Variants in KCNT2 observed in about 807,000 individuals in gnomAD.
The protein encoded by KCNT2 is potassium channel subfamily T member 2.
In KCNT2, 67 loss-of-function variants were observed where a neutral mutation model predicts 153.8. That is an observed-to-expected ratio of 0.44 (90% CI 0.36 to 0.53). KCNT2 has a LOEUF of 0.53. Ranked by LOEUF, KCNT2 falls within the 20% of genes least tolerant of loss-of-function variation. The pLI is 0.00. For synonymous variants in KCNT2, 500 were observed against 458.8 expected (o/e 1.09, Z -1.15); for missense variants, 975 against 1,354.8 (o/e 0.72, Z 4.40).
intron 1 of KCNT2, among the ~76,000 whole-genome samples, chr1:196,498,439 C>CTTCTAA (rs1680425321): frequency 6.6e-6 from 1 of 152,196 alleles, no homozygotes; most frequent in Admixed American, 6.5e-5. Context: ...CTCCCTCTTT[C>CTTCTAA]TTCTAATTCT....
At chr1:196,310,894 T>C (rs747887000) in intron 21 of KCNT2, among the ~76,000 whole-genome samples, 20 of 151,932 alleles carry the variant, frequency 1.3e-4, no homozygotes, top group Non-Finnish European at 2.2e-4. Context: ...GCCATGAAAA[T>C]ATGGCTTCTA....
At position 196,294,468 on chromosome 1, in the gene KCNT2, G is replaced by T. The variant is rs141087189; in HGVS notation, c.2596-8710C>A. Among the ~76,000 whole-genome samples the T allele has an allele frequency of 3.4e-3, 523 of 152,050 alleles. 4 individuals carry two copies. Among genetic ancestry groups the T allele is most frequent in the African/African-American group, 0.012 (495 of 41,472 alleles). On this transcript the variant is annotated intron_variant, in intron 22 of 27. Transcript: ENST00000294725. ...TTTTTGTATTTTTAGTAGAGACAGG[G>T]TTTCACCATGTTGGCCAGGATGATC...
intron 1 of KCNT2, among the ~76,000 whole-genome samples, chr1:196,549,415 TTA>T: frequency 6.6e-6 from 1 of 152,042 alleles, no homozygotes; most frequent in African/African-American, 2.4e-5. Context: ...TATAATTTTA[TTA>T]TGTGTTATGT....
At chr1:196,563,265 T>G (rs190699681) in intron 1 of KCNT2, among the ~76,000 whole-genome samples, 75 of 151,974 alleles carry the variant, frequency 4.9e-4, no homozygotes, top group Admixed American at 3.9e-3. Context: ...TTTTCTCCCA[T>G]TCCTTTTCCA....
intron 1 of KCNT2, among the ~76,000 whole-genome samples, chr1:196,571,700 G>T (rs1403183342): frequency 6.6e-6 from 1 of 151,964 alleles, no homozygotes; most frequent in African/African-American, 2.4e-5. Context: ...AAGATATAGG[G>T]CTTCTGAGAT....
chr1:196,447,530 C>T (rs1675797598), intron 8 of KCNT2, among the ~76,000 whole-genome samples: 1 of 151,302 alleles, frequency 6.6e-6, no homozygotes, highest in East Asian at 2.0e-4. Context: ...TATAAGGGAG[C>T]AATTATGTTG....
In KCNT2 at chr1:196,502,159, C is replaced by CA. The variant is rs557610916; in HGVS notation, c.96-9819dup. ...AAGATAGTTCAGGCTCAAGTGCTTC[C>CA]AATGAGTTTCCACCTGGTTTCCAAC... On this transcript the variant is annotated intron_variant, in intron 1 of 27. Transcript: ENST00000294725. Among the ~76,000 whole-genome samples the CA allele has an allele frequency of 5.9e-5, 9 of 152,214 alleles. No homozygotes were observed. The South Asian group carries it at 1.0e-3, about 18-fold the overall frequency.
intron 26 of KCNT2, among the ~76,000 whole-genome samples, chr1:196,246,556 A>T (rs1041218660): frequency 6.6e-6 from 1 of 152,086 alleles, no homozygotes; most frequent in Non-Finnish European, 1.5e-5. Context: ...AATAGCTACA[A>T]TTTTTCCAGT....
intron 22 of KCNT2, among the ~76,000 whole-genome samples, chr1:196,301,918 T>C (rs1336430136): frequency 5.9e-5 from 9 of 152,130 alleles, no homozygotes; most frequent in Non-Finnish European, 1.2e-4. Context: ...TTTTGTATTA[T>C]TAGTAGAGAC....
chr1:196,608,078 CTT>C (rs1665519165), intron 1 of KCNT2, 135 bp downstream of exon 1: 4 of 746,770 alleles, frequency 5.4e-6, no homozygotes, highest in Admixed American at 3.9e-5. Context: ...ATCAGAGTCT[CTT>C]TTACTCCCTC....
chr1:196,574,149 G>A (rs1661093324), intron 1 of KCNT2, among the ~76,000 whole-genome samples: 1 of 151,854 alleles, frequency 6.6e-6, no homozygotes, highest in South Asian at 2.1e-4. Context: ...TCTGGAGAAA[G>A]GAGAAAATAA....
intron 13 of KCNT2, among the ~76,000 whole-genome samples, chr1:196,375,320 A>C (rs1378354832): frequency 2.0e-5 from 3 of 151,832 alleles, no homozygotes; most frequent in Middle Eastern, 3.2e-3. Flanking sequence ...CAGCCCTTTC[A>C]ACAATAAGTA....
intron 1 of KCNT2, among the ~76,000 whole-genome samples, chr1:196,574,417 G>A (rs1661124940): frequency 6.6e-6 from 1 of 151,692 alleles, no homozygotes; most frequent in Non-Finnish European, 1.5e-5. Flanking sequence ...TTTTAGAAAG[G>A]AATCACTTAG....
intron 22 of KCNT2, among the ~76,000 whole-genome samples, chr1:196,301,697 T>C (rs1283554955): frequency 2.0e-5 from 3 of 152,158 alleles, no homozygotes; most frequent in Admixed American, 6.5e-5. Flanking sequence ...AAAATAAAAG[T>C]GTGAAAGTGT....
At chr1:196,237,131 T>G (rs1226180351) in intron 26 of KCNT2, among the ~76,000 whole-genome samples, 2 of 151,686 alleles carry the variant, frequency 1.3e-5, no homozygotes, top group Non-Finnish European at 3.0e-5. Flanking sequence ...CATACTCAAA[T>G]AACTGCATTA....
At chr1:196,355,130 A>G (rs567940612) in intron 14 of KCNT2, among the ~76,000 whole-genome samples, 145 of 151,864 alleles carry the variant, frequency 9.5e-4, no homozygotes, top group African/African-American at 3.3e-3. Context: ...ATGAACATTT[A>G]TTCTTGTAAG....
intron 1 of KCNT2, among the ~76,000 whole-genome samples, chr1:196,595,603 T>A (rs1394900421): frequency 2.6e-5 from 4 of 152,212 alleles, no homozygotes; most frequent in African/African-American, 9.6e-5. Flanking sequence ...AGATTACTTA[T>A]AATAACTAGT....
chr1:196,383,817 C>T (rs1000967717), intron 13 of KCNT2, among the ~76,000 whole-genome samples: 2 of 152,086 alleles, frequency 1.3e-5, no homozygotes, highest in African/African-American at 2.4e-5. Flanking sequence ...TTGCCCTGTG[C>T]TTGATTTAAA....
intron 10 of KCNT2, 41 bp from the exon 11 acceptor site, chr1:196,426,029 G>A (rs1381729088): frequency 8.5e-6 from 13 of 1,527,910 alleles, no homozygotes; most frequent in Non-Finnish European, 1.2e-5. Context: ...AAACAAAAAT[G>A]TTTTATGTTA....
Sources: allele counts gnomAD v4.1 joint callset (sites outside exome capture counted in the v4.1 genomes callset), GRCh38; gene constraint gnomAD v4.1.1; transcripts MANE v1.5; gene names NCBI Gene and HGNC (gene_info 2026-07-23, HGNC 2026-07-21).